Variants in ATP6V1E1 observed in about 807,000 individuals in gnomAD.
The protein encoded by ATP6V1E1 is V-type proton ATPase subunit E 1.
A neutral mutation model predicts 35.2 loss-of-function variants in ATP6V1E1; 21 were observed. The observed-to-expected ratio is 0.60, with a 90% CI of 0.42 to 0.86. ATP6V1E1 has a LOEUF of 0.86. ATP6V1E1 is among the 40% of genes least tolerant of loss of function. The probability of loss-of-function intolerance (pLI) is 0.00; values close to 1 mark genes in which losing one functional copy is unlikely to be tolerated. For missense variants in ATP6V1E1, 183 were observed against 272.6 expected (o/e 0.67, Z 2.32); for synonymous variants, 83 against 87.8 (o/e 0.95, Z 0.30).
intron 5 of ATP6V1E1, 80 bp from the exon 6 acceptor site, chr22:17,600,175 C>A: frequency 7.6e-7 from 1 of 1,319,562 alleles, no homozygotes; most frequent in South Asian, 1.2e-5. Flanking sequence ...TGGCTCAGGT[C>A]TGTAATCCTA....
At chr22:17,607,795 C>T (rs1308051610) in intron 4 of ATP6V1E1, among the ~76,000 whole-genome samples, 1 of 152,162 alleles carries the variant, frequency 6.6e-6, no homozygotes, top group Non-Finnish European at 1.5e-5. Context: ...ATATAAAAGT[C>T]TCTGGAAATG....
chr22:17,619,221 G>C, intron 2 of ATP6V1E1: 1 of 510,742 alleles, frequency 2.0e-6, no homozygotes, highest in South Asian at 2.0e-5. Context: ...GAACCTGGGA[G>C]GCGGAGTTTG....
intron 1 of ATP6V1E1, among the ~76,000 whole-genome samples, chr22:17,626,687 C>T (rs987262949): frequency 2.0e-5 from 3 of 151,958 alleles, no homozygotes; most frequent in Non-Finnish European, 2.9e-5. Context: ...TATGCCAGCA[C>T]GCCCCACTAA....
At chr22:17,621,617 A>G (rs1261301746) in intron 1 of ATP6V1E1, among the ~76,000 whole-genome samples, 2 of 152,128 alleles carry the variant, frequency 1.3e-5, no homozygotes, top group African/African-American at 2.4e-5. Flanking sequence ...TTCAAGCATC[A>G]TATGAAACAA....
At chr22:17,595,513 G>A (rs961503357) in intron 7 of ATP6V1E1, among the ~76,000 whole-genome samples, 3 of 152,044 alleles carry the variant, frequency 2.0e-5, no homozygotes, top group Admixed American at 6.5e-5. Context: ...GCCCTATCAC[G>A]ACTGCATGTG....
chr22:17,598,575 A>G (rs996122402), intron 6 of ATP6V1E1, among the ~76,000 whole-genome samples: 1 of 152,042 alleles, frequency 6.6e-6, no homozygotes, highest in East Asian at 1.9e-4. Flanking sequence ...CAGGAGGAAG[A>G]TACATTATTC....
chr22:17,620,260 G>T, intron 1 of ATP6V1E1, among the ~76,000 whole-genome samples: 1 of 150,716 alleles, frequency 6.6e-6, no homozygotes, highest in Non-Finnish European at 1.5e-5. Context: ...CCATTCTCCT[G>T]CCTCAGCCTC....
At chr22:17,596,981 G>A (rs368636591) in intron 7 of ATP6V1E1, among the ~76,000 whole-genome samples, 22 of 151,870 alleles carry the variant, frequency 1.4e-4, no homozygotes, top group African/African-American at 4.6e-4. Flanking sequence ...GGTGGCTCAC[G>A]CCTGTAATCC....
At chr22:17,619,404 AAAGC>A in intron 2 of ATP6V1E1, 53 bp downstream of exon 2, 1 of 1,458,044 alleles carries the variant, frequency 6.9e-7, no homozygotes. Flanking sequence ...ATTATTTAGC[AAAGC>A]AAAACAATAT....
chr22:17,594,423 C>T (rs974018394), intron 8 of ATP6V1E1, 106 bp downstream of exon 8: 1 of 922,406 alleles, frequency 1.1e-6, no homozygotes, highest in East Asian at 3.1e-5. Flanking sequence ...ATGTCCAAAA[C>T]TGGAAAGACA....
intron 4 of ATP6V1E1, among the ~76,000 whole-genome samples, chr22:17,610,460 C>T (rs1601385153): frequency 6.6e-6 from 1 of 152,098 alleles, no homozygotes; most frequent in African/African-American, 2.4e-5. Context: ...GTTAGATGAT[C>T]TTTCTCAGAA....
intron 2 of ATP6V1E1, among the ~76,000 whole-genome samples, chr22:17,615,038 C>A (rs1035652253): frequency 1.3e-5 from 2 of 152,044 alleles, no homozygotes; most frequent in African/African-American, 2.4e-5. Flanking sequence ...CGCCATGGCT[C>A]ACGCCTATAA....
chr22:17,596,381 C>T (rs2057732374), intron 7 of ATP6V1E1, among the ~76,000 whole-genome samples: 1 of 152,076 alleles, frequency 6.6e-6, no homozygotes, highest in African/African-American at 2.4e-5. Context: ...CGGCAGGACT[C>T]GACTGTGAGC....
intron 2 of ATP6V1E1, chr22:17,618,975 C>T: frequency 2.2e-6 from 1 of 452,890 alleles, no homozygotes; most frequent in Non-Finnish European, 4.4e-6. Context: ...ACTGCAGTCC[C>T]AGTGACGAAG....
intron 1 of ATP6V1E1, among the ~76,000 whole-genome samples, chr22:17,620,919 C>T (rs1369940713): frequency 2.6e-5 from 4 of 152,050 alleles, no homozygotes; most frequent in Admixed American, 1.3e-4. Flanking sequence ...AAAAATTAGC[C>T]GGCGTGGTGG....
At chr22:17,619,578 T>G in intron 1 of ATP6V1E1, 52 bp from the exon 2 acceptor site, 1 of 1,412,892 alleles carries the variant, frequency 7.1e-7, no homozygotes, top group South Asian at 1.3e-5. Context: ...GAAATATCTT[T>G]TCTGATTCAT....
At chr22:17,598,733 A>C (rs1052896592) in intron 6 of ATP6V1E1, among the ~76,000 whole-genome samples, 1 of 152,306 alleles carries the variant, frequency 6.6e-6, no homozygotes, top group Admixed American at 6.5e-5. Context: ...CCATACCCAT[A>C]AGGATGGTTC....
rs1331427280 is a variant in ATP6V1E1 at position 17,593,075 on chromosome 22, A to G, written c.619-339T>C. Among the ~76,000 whole-genome samples the G allele has an allele frequency of 2.6e-5, 4 of 152,130 alleles. No homozygotes were observed. In the East Asian group the frequency reaches 7.7e-4, roughly 29 times the overall value. On this transcript the variant is annotated intron_variant, in intron 8 of 8. Transcript: ENST00000253413. ...AGTGCTGGGATTACAGGCGTGAGCC[A>G]CCAAGCCTGGCCAGAGTGCTGCACA...
intron 2 of ATP6V1E1, among the ~76,000 whole-genome samples, chr22:17,614,395 G>A (rs2057831428): frequency 7.8e-6 from 1 of 128,118 alleles, no homozygotes; most frequent in African/African-American, 3.0e-5. Context: ...GTGGCCTAAC[G>A]CCTGCCATCC....
Sources: gnomAD v4.1 joint callset for allele counts (sites outside exome capture counted in the v4.1 genomes callset) on GRCh38, gnomAD v4.1.1 for gene constraint, MANE v1.5 for transcripts, NCBI Gene and HGNC (gene_info 2026-07-23, HGNC 2026-07-21) for gene names.